The following ARMC9 variants were observed in gnomAD, a reference collection of about 807,000 sequenced individuals.
ARMC9 encodes the protein armadillo repeat containing 9, also known as lisH domain-containing protein ARMC9.
A neutral mutation model predicts 107.0 loss-of-function variants in ARMC9; 94 were observed. The ratio of observed to expected loss-of-function variants is 0.88; its 90% CI spans 0.74 to 1.04. The LOEUF (loss-of-function observed/expected upper bound fraction) is 1.04, where lower values mean the gene tolerates loss of function less well. Ranked by LOEUF, ARMC9 falls within the 50% of genes least tolerant of loss-of-function variation. The pLI is 0.00. For synonymous variants in ARMC9, 380 were observed against 396.9 expected (o/e 0.96, Z 0.51); for missense variants, 942 against 1,030.1 (o/e 0.91, Z 1.17).
intron 21 of ARMC9, among the ~76,000 whole-genome samples, chr2:231,354,638 T>A (rs1015181729): frequency 6.6e-6 from 1 of 152,114 alleles, no homozygotes; most frequent in Non-Finnish European, 1.5e-5. Context: ...CGCCTTGGCC[T>A]CCCAAAGTGC....
chr2:231,369,425 T>C (rs2045931586), intron 23 of ARMC9, among the ~76,000 whole-genome samples: 1 of 151,934 alleles, frequency 6.6e-6, no homozygotes, highest in South Asian at 2.1e-4. Context: ...CCTGACTAGC[T>C]GGGACTACAG....
At chr2:231,350,876 G>A (rs2045037179) in intron 21 of ARMC9, among the ~76,000 whole-genome samples, 1 of 147,644 alleles carries the variant, frequency 6.8e-6, no homozygotes, top group Admixed American at 6.8e-5. Context: ...CCCCTTTTGG[G>A]CTTTGACTGT....
chr2:231,232,961 C>T (rs2035375721), intron 7 of ARMC9, among the ~76,000 whole-genome samples: 2 of 152,138 alleles, frequency 1.3e-5, no homozygotes, highest in African/African-American at 2.4e-5. Context: ...AGCGATTCTC[C>T]TGCCTCAGCC....
Position 231,255,778 on chromosome 2 carries a change from CT to C in ARMC9, c.880-807del, listed in dbSNP as rs2037726114. ...CTGGGCCAGGCGCAGTGGCTCACGC[CT>C]GTAATCCCAACACTTTGGGAGGCCG... On this transcript the variant is annotated intron_variant, in intron 9 of 24. Transcript: ENST00000611582. This position sits in a 1 kb window ranked among gnomAD's most constrained non-coding sequence, Gnocchi z 4.7. 6.6e-6 allele frequency among the ~76,000 whole-genome samples: 1 copy of C among 152,198 alleles called. No individual in the cohort carries two copies. Among genetic ancestry groups the C allele is most frequent in the Non-Finnish European group, 1.5e-5 (1 of 68,040 alleles).
chr2:231,273,469 C>A (rs950294566), intron 14 of ARMC9, among the ~76,000 whole-genome samples: 7 of 152,134 alleles, frequency 4.6e-5, no homozygotes, highest in Admixed American at 3.3e-4. Context: ...GTGTCAAGGG[C>A]AGTTCTGTGG....
intron 3 of ARMC9, among the ~76,000 whole-genome samples, chr2:231,212,525 C>T (rs960850072): frequency 1.3e-5 from 2 of 151,830 alleles, no homozygotes; most frequent in African/African-American, 4.8e-5. Context: ...CAAGAGTCTG[C>T]GCTCACCTCA....
chr2:231,215,037 G>C, intron 4 of ARMC9, 36 bp downstream of exon 4: 1 of 1,601,400 alleles, frequency 6.2e-7, no homozygotes, highest in Non-Finnish European at 8.6e-7. Flanking sequence ...GGTCTGAGTG[G>C]TGTGTTAAGG....
At position 231,371,586 on chromosome 2, in the gene ARMC9, C is replaced by T. The variant is rs539265379; in HGVS notation, c.*51C>T. Reference sequence around the variant, plus strand: ...GTTGCCGGAGGACCAGCCAGCTTCCCGCTCTCAGCTGGCAGCAGCTGCCGG... The same window carrying T: ...GTTGCCGGAGGACCAGCCAGCTTCCTGCTCTCAGCTGGCAGCAGCTGCCGG... On this transcript the variant is annotated 3_prime_UTR_variant, in exon 25 of 25. Transcript: ENST00000611582. The T allele has an allele frequency of 2.4e-6, 3 of 1,230,562 alleles. No homozygotes were observed. Among genetic ancestry groups the T allele is most frequent in the Admixed American group, 4.2e-5 (1 of 23,824 alleles). 76.2% of individuals were successfully genotyped at this position (1,230,562 alleles called of 1,614,324 possible).
At chr2:231,315,906 T>A (rs2042644556) in intron 19 of ARMC9, among the ~76,000 whole-genome samples, 1 of 152,228 alleles carries the variant, frequency 6.6e-6, no homozygotes. Context: ...ATAACTCTAC[T>A]AACTTTTTAG....
intron 6 of ARMC9, among the ~76,000 whole-genome samples, chr2:231,223,425 A>G (rs917772135): frequency 6.6e-5 from 10 of 152,194 alleles, no homozygotes; most frequent in Non-Finnish European, 1.5e-4. Context: ...TTTCAGAAAG[A>G]GCAGAACGTT....
intron 19 of ARMC9, among the ~76,000 whole-genome samples, chr2:231,330,757 C>G (rs552055732): frequency 3.1e-4 from 47 of 152,110 alleles, no homozygotes; most frequent in Non-Finnish European, 5.9e-4. Flanking sequence ...TAAAATCTTC[C>G]TGTCATGCCA....
intron 1 of ARMC9, among the ~76,000 whole-genome samples, chr2:231,204,169 G>A (rs1226191859): frequency 1.8e-5 from 2 of 108,720 alleles, no homozygotes; most frequent in African/African-American, 9.4e-5. Flanking sequence ...GGGAAACTCT[G>A]TCTCAGGAAA....
chr2:231,210,885 C>T (rs997127350), intron 3 of ARMC9, among the ~76,000 whole-genome samples: 6 of 152,180 alleles, frequency 3.9e-5, no homozygotes, highest in African/African-American at 1.4e-4. Context: ...AAACCTGAAA[C>T]TCTGTCCCCA....
chr2:231,272,971 C>T lies in ARMC9; in HGVS notation c.1227C>T (p.Ala409=). The T allele has an allele frequency of 1.9e-6, 3 of 1,613,784 alleles. No homozygotes were observed. Among genetic ancestry groups the T allele is most frequent in the Non-Finnish European group, 2.5e-6 (3 of 1,179,870 alleles). The change falls in exon 14 of 25, where the codon GCC becomes GCT. Residue 409 remains alanine (A), a synonymous_variant. Transcript: ENST00000611582. ...TATTATCAGGTCGCCTCTACCTTGC[C>T]CAGAACACAAAGGTGCTGCAGATGC... ...ASLAEGRLYL[A]QNTKVLQMLE... is the part of the protein sequence containing the mutation.
In ARMC9 at chr2:231,376,174, G is replaced by C. The variant is rs548279751; in HGVS notation, c.*4639G>C. ...AATAATTGCATTAACTGCACAAATT[G>C]TACAGCATGTGTGTTTGCGCAATAT... On this transcript the variant is annotated 3_prime_UTR_variant, in exon 25 of 25. Transcript: ENST00000611582. Among the ~76,000 whole-genome samples, 9 of 152,244 alleles carry C rather than the reference G, an allele frequency of 5.9e-5. No individual in the cohort carries two copies. In the South Asian group the frequency reaches 1.7e-3, roughly 28 times the overall value.
intron 16 of ARMC9, among the ~76,000 whole-genome samples, chr2:231,279,394 T>TA (rs1459797394): frequency 6.6e-6 from 1 of 152,154 alleles, no homozygotes; most frequent in Non-Finnish European, 1.5e-5. Flanking sequence ...AACAAAAATC[T>TA]AACCACTTTA....
intron 5 of ARMC9, among the ~76,000 whole-genome samples, chr2:231,219,362 T>C (rs2033874015): frequency 6.6e-6 from 1 of 152,192 alleles, no homozygotes; most frequent in South Asian, 2.1e-4. Context: ...AGATCTCTTC[T>C]TTCAGTTCTT....
At chr2:231,231,758 G>T (rs1250730436) in intron 7 of ARMC9, among the ~76,000 whole-genome samples, 1 of 151,232 alleles carries the variant, frequency 6.6e-6, no homozygotes, top group Non-Finnish European at 1.5e-5. Context: ...GCGTGATCTT[G>T]GCTCACTGCA....
intron 22 of ARMC9, among the ~76,000 whole-genome samples, chr2:231,357,001 G>T (rs1454387245): frequency 1.3e-5 from 2 of 152,144 alleles, no homozygotes; most frequent in African/African-American, 2.4e-5. Flanking sequence ...ACCACTGAGA[G>T]GCCCTTTATT....
Sources: allele counts gnomAD v4.1 joint callset (sites outside exome capture counted in the v4.1 genomes callset), GRCh38; gene constraint gnomAD v4.1.1; non-coding constraint Gnocchi (gnomAD v3.1); transcripts MANE v1.5; gene names NCBI Gene and HGNC (gene_info 2026-07-23, HGNC 2026-07-21).